The following THAP4 variants were observed in gnomAD, a reference collection of about 807,000 sequenced individuals.
THAP4 encodes the protein THAP domain containing 4.
THAP4 carries 18 observed loss-of-function variants against 48.1 expected under a neutral mutation model. The ratio of observed to expected loss-of-function variants is 0.37; its 90% confidence interval spans 0.26 to 0.56. The LOEUF (loss-of-function observed/expected upper bound fraction) is 0.56, where lower values mean the gene tolerates loss of function less well. THAP4 is among the 20% of genes least tolerant of loss of function. The pLI is 0.78. For missense variants in THAP4, 656 were observed against 774.9 expected (o/e 0.85, Z 1.82); for synonymous variants, 345 against 324.9 (o/e 1.06, Z -0.66).
intron 2 of THAP4, chr2:241,617,385 G>A: frequency 6.8e-7 from 1 of 1,463,438 alleles, no homozygotes; most frequent in Non-Finnish European, 9.4e-7. Context: ...TTCATGTTTT[G>A]GCCCAAGACA....
At chr2:241,637,472 G>A, upstream of THAP4, 5 of 1,458,346 alleles carry the variant, frequency 3.4e-6, no homozygotes, top group Non-Finnish European at 4.5e-6. Flanking sequence ...TGTCCCGTCG[G>A]ACAGCAGAAC....
At chr2:241,617,959 G>A (rs2067369002) in intron 2 of THAP4, among the ~76,000 whole-genome samples, 1 of 152,196 alleles carries the variant, frequency 6.6e-6, no homozygotes, top group South Asian at 2.1e-4. Context: ...ACTGGGACCT[G>A]GGGACGGCTC....
chr2:241,620,150 G>A (rs866547781), intron 2 of THAP4, among the ~76,000 whole-genome samples: 96 of 78,528 alleles, frequency 1.2e-3, no homozygotes, highest in East Asian at 4.7e-3. Flanking sequence ...GGTGAGGGGT[G>A]AGTGAGTCGG....
At chr2:241,625,640 T>C (rs1327158183) in intron 2 of THAP4, among the ~76,000 whole-genome samples, 1 of 149,632 alleles carries the variant, frequency 6.7e-6, no homozygotes, top group Non-Finnish European at 1.5e-5. Flanking sequence ...TACTAAAAAA[T>C]ACAAAAAATT....
chr2:241,624,514 G>A (rs1160709413), intron 2 of THAP4, among the ~76,000 whole-genome samples: 1 of 151,852 alleles, frequency 6.6e-6, no homozygotes, highest in Non-Finnish European at 1.5e-5. Context: ...CAAATAAACA[G>A]TCAGAGGAAG....
intron 3 of THAP4, among the ~76,000 whole-genome samples, chr2:241,605,722 CT>C (rs71049590): frequency 0.017 from 2,461 of 147,276 alleles, 24 homozygotes; most frequent in Non-Finnish European, 0.024. Flanking sequence ...TAATTTTTTT[CT>C]TTTTTTTTTT....
At chr2:241,586,336 G>C (rs956843113) in intron 5 of THAP4, among the ~76,000 whole-genome samples, 9 of 150,316 alleles carry the variant, frequency 6.0e-5, no homozygotes, top group Admixed American at 5.3e-4. Context: ...AGGAGTAAGA[G>C]TTAACCAGAA....
chr2:241,587,852 T>A (rs1575014772), intron 5 of THAP4, among the ~76,000 whole-genome samples: 1 of 150,950 alleles, frequency 6.6e-6, no homozygotes, highest in South Asian at 2.1e-4. Flanking sequence ...GAGGTGGGGG[T>A]TGCAGTGAGC....
chr2:241,632,831 G>A, intron 2 of THAP4, 86 bp downstream of exon 2: 5 of 1,096,320 alleles, frequency 4.6e-6, no homozygotes, highest in Non-Finnish European at 5.1e-6. Flanking sequence ...ACACCTCCCA[G>A]AAATGCTCAG....
intron 5 of THAP4, among the ~76,000 whole-genome samples, chr2:241,597,330 C>G (rs949006408): frequency 6.6e-6 from 1 of 152,274 alleles, no homozygotes; most frequent in Admixed American, 6.5e-5. Flanking sequence ...GACAGGGTTT[C>G]ACCATGTTGG....
Position 241,619,698 on chromosome 2 carries a change from T to C in THAP4, c.1240+13219A>G, listed in dbSNP as rs138430943. On this transcript the variant is annotated intron_variant, in intron 2 of 5. Coordinates refer to ENST00000407315, the MANE Select transcript of THAP4 (RefSeq NM_015963.6). ...TGGTAAGTGAGGGGTGAGGGGTGAG[T>C]GAGTCGGTGAGTGAAGGGTGAGTGA... is the stretch of plus-strand genomic sequence containing the variant. 3.0e-4 allele frequency among the ~76,000 whole-genome samples: 45 copies of C among 149,108 alleles called. No homozygotes were observed. The East Asian group carries it at 7.4e-3, about 24-fold the overall frequency.
intron 2 of THAP4, among the ~76,000 whole-genome samples, chr2:241,608,496 C>T (rs2067218346): frequency 6.6e-6 from 1 of 152,186 alleles, no homozygotes; most frequent in African/African-American, 2.4e-5. Context: ...TAAAACTTTC[C>T]TAATTAGACA....
At chr2:241,591,054 G>C in intron 5 of THAP4, among the ~76,000 whole-genome samples, 1 of 152,178 alleles carries the variant, frequency 6.6e-6, no homozygotes, top group South Asian at 2.1e-4. Context: ...ATGGGCACTA[G>C]GACACTCAGA....
At chr2:241,620,158 C>T (rs1575034218) in intron 2 of THAP4, among the ~76,000 whole-genome samples, 1 of 24,640 alleles carries the variant, frequency 4.1e-5, no homozygotes, top group Non-Finnish European at 7.2e-5. Flanking sequence ...GTGAGTGAGT[C>T]GGTGAGTGAG....
chr2:241,590,529 G>A (rs547802469), intron 5 of THAP4, among the ~76,000 whole-genome samples: 5 of 97,544 alleles, frequency 5.1e-5, no homozygotes, highest in East Asian at 7.1e-4. Context: ...AGAGCTGCTC[G>A]GCTGATGATG....
intron 2 of THAP4, among the ~76,000 whole-genome samples, chr2:241,607,049 GT>G (rs2067193058): frequency 6.6e-6 from 1 of 152,292 alleles, no homozygotes; most frequent in Admixed American, 6.5e-5. Context: ...GGCAGGCGGG[GT>G]TTAAAAGGGA....
rs2067684328 is a variant in THAP4 at position 241,637,115 on chromosome 2, C to T, written c.-98G>A. ...GAGGGAGCGCGGCGGCGACACGGCT[C>T]GGGACGTGGGCCGGCCCGCGGCGTC... On this transcript the variant is annotated 5_prime_UTR_variant, in exon 1 of 6. Coordinates refer to ENST00000407315, the MANE Select transcript of THAP4 (RefSeq NM_015963.6). 5.9e-6 allele frequency: 6 copies of T among 1,008,600 alleles called. No individual in the cohort carries two copies. Among genetic ancestry groups the T allele is most frequent in the East Asian group, 2.0e-4 (2 of 9,856 alleles). 62.5% of individuals were successfully genotyped at this position (1,008,600 alleles called of 1,614,324 possible).
intron 2 of THAP4, among the ~76,000 whole-genome samples, chr2:241,618,138 A>T (rs1217648732): frequency 6.6e-6 from 1 of 152,210 alleles, no homozygotes; most frequent in Non-Finnish European, 1.5e-5. Flanking sequence ...GTCCAGGAAC[A>T]CCGTGATATG....
intron 2 of THAP4, among the ~76,000 whole-genome samples, chr2:241,620,683 G>A (rs1002325606): frequency 1.2e-4 from 18 of 151,920 alleles, no homozygotes; most frequent in East Asian, 5.8e-4. Context: ...TGACTGCGGC[G>A]GTGAGTGAAT....
Sources: gnomAD v4.1 joint callset for allele counts (sites outside exome capture counted in the v4.1 genomes callset) on GRCh38, gnomAD v4.1.1 for gene constraint, MANE v1.5 for transcripts, NCBI Gene and HGNC (gene_info 2026-07-23, HGNC 2026-07-21) for gene names.